NCALD: variants seen among roughly 807,000 people sequenced by gnomAD.
The protein encoded by NCALD is neurocalcin delta.
NCALD carries 10 observed loss-of-function variants against 18.6 expected under a neutral mutation model. That is an observed-to-expected ratio of 0.54 (90% confidence interval 0.33 to 0.91). NCALD has a LOEUF of 0.91. Among genes scored for constraint, NCALD ranks in the 40% least tolerant of loss-of-function variants. The pLI, the probability that NCALD is intolerant of heterozygous loss-of-function variation, is 0.03. For synonymous variants in NCALD, 88 were observed against 87.4 expected (o/e 1.01, Z -0.04); for missense variants, 184 against 247.6 (o/e 0.74, Z 1.72).
At chr8:102,117,509 G>A (rs993233462) in intron 1 of NCALD, among the ~76,000 whole-genome samples, 3 of 151,778 alleles carry the variant, frequency 2.0e-5, no homozygotes, top group East Asian at 1.9e-4. Context: ...CAGAGGGAAC[G>A]ATCCTCTCCC....
intron 1 of NCALD, among the ~76,000 whole-genome samples, chr8:101,764,102 G>A (rs1346576511): frequency 6.6e-6 from 1 of 151,914 alleles, no homozygotes; most frequent in Non-Finnish European, 1.5e-5. Context: ...GTAGTAGGTG[G>A]ACGGATCTGA....
At chr8:101,828,191 G>A (rs924366460) in intron 4 of NCALD, among the ~76,000 whole-genome samples, 3 of 152,120 alleles carry the variant, frequency 2.0e-5, no homozygotes, top group South Asian at 2.1e-4. Flanking sequence ...GAACAACCCT[G>A]TTAAAACATG....
intron 4 of NCALD, among the ~76,000 whole-genome samples, chr8:101,861,001 A>G (rs1407471631): frequency 6.6e-6 from 1 of 152,154 alleles, no homozygotes; most frequent in Non-Finnish European, 1.5e-5. Context: ...ATTATATCTA[A>G]AAGCCAAGGT....
chr8:101,972,051 A>T (rs6982161), intron 2 of NCALD, among the ~76,000 whole-genome samples: 1 of 151,976 alleles, frequency 6.6e-6, no homozygotes, highest in Non-Finnish European at 1.5e-5. Context: ...AAAACCTCTC[A>T]CAGGAATCCA....
At chr8:102,042,715 A>AG (rs113900796) in intron 1 of NCALD, among the ~76,000 whole-genome samples, 46,571 of 151,304 alleles carry the variant, frequency 0.31, 7,879 homozygotes, top group African/African-American at 0.39. Flanking sequence ...ATCAGTGAAG[A>AG]CAGAGGGCAC....
chr8:101,720,969 TAG>T (rs1816326234), intron 1 of NCALD, among the ~76,000 whole-genome samples: 2 of 152,058 alleles, frequency 1.3e-5, no homozygotes, highest in Admixed American at 1.3e-4. Context: ...TGCTACAGAA[TAG>T]AGAGTGGATT....
chr8:101,711,241 C>T (rs1815776838), intron 2 of NCALD, among the ~76,000 whole-genome samples: 1 of 152,010 alleles, frequency 6.6e-6, no homozygotes, highest in Non-Finnish European at 1.5e-5. Context: ...AAAGGACAAC[C>T]ACACAAAAAA....
At chr8:101,823,188 G>C (rs572511445) in intron 4 of NCALD, among the ~76,000 whole-genome samples, 1 of 152,130 alleles carries the variant, frequency 6.6e-6, no homozygotes, top group Non-Finnish European at 1.5e-5. Flanking sequence ...CACAGTTTTA[G>C]GCAATTAAAA....
chr8:101,908,813 T>G (rs1476722419), intron 3 of NCALD, among the ~76,000 whole-genome samples: 1 of 152,154 alleles, frequency 6.6e-6, no homozygotes, highest in Non-Finnish European at 1.5e-5. Context: ...ATAATGTGCA[T>G]GGGTTTATTA....
At chr8:101,853,398 GA>G (rs1372130035) in intron 4 of NCALD, among the ~76,000 whole-genome samples, 1 of 152,086 alleles carries the variant, frequency 6.6e-6, no homozygotes, top group Non-Finnish European at 1.5e-5. Context: ...TAAATGAGAA[GA>G]AGTGAAACAC....
intron 1 of NCALD, among the ~76,000 whole-genome samples, chr8:102,052,071 C>T (rs1452295840): frequency 2.0e-5 from 3 of 152,122 alleles, no homozygotes; most frequent in Non-Finnish European, 4.4e-5. Context: ...TATCAACAGC[C>T]AGGTAAATGG....
intron 2 of NCALD, among the ~76,000 whole-genome samples, chr8:101,935,714 G>C (rs1050892800): frequency 2.0e-5 from 3 of 151,352 alleles, no homozygotes; most frequent in Non-Finnish European, 1.5e-5. Context: ...GATATGATGA[G>C]TCTGGACAAC....
Position 101,823,104 on chromosome 8 carries a change from A to G in NCALD, c.-20+64037T>C, listed in dbSNP as rs1345642136. On this transcript the variant is annotated intron_variant, in intron 4 of 6. Transcript: ENST00000311028. The stretch of plus-strand genomic sequence containing the variant: ...AAATATCCTCTAATACTTTGCATTT[A>G]TGTAGAGTTCAAAAGTTTTCTGATG... Among the ~76,000 whole-genome samples, 4 of 152,208 alleles carry G rather than the reference A, an allele frequency of 2.6e-5. 1 individual carries two copies.
At chr8:101,763,966 C>CCCTCTCTCCACACACA (rs1554624883) in intron 1 of NCALD, among the ~76,000 whole-genome samples, 62 of 85,294 alleles carry the variant, frequency 7.3e-4, no homozygotes, top group African/African-American at 2.4e-3. Context: ...CTCTCTCTCT[C>CCCTCTCTCCACACACA]CACACACACA....
intron 2 of NCALD, among the ~76,000 whole-genome samples, chr8:101,977,988 T>G (rs1394824887): frequency 6.6e-6 from 1 of 151,990 alleles, no homozygotes; most frequent in Non-Finnish European, 1.5e-5. Context: ...CTCCTCTTCC[T>G]TCTCTCCGCC....
intron 2 of NCALD, among the ~76,000 whole-genome samples, chr8:102,001,644 C>G (rs889316344): frequency 6.6e-6 from 1 of 152,180 alleles, no homozygotes; most frequent in Non-Finnish European, 1.5e-5. Context: ...GGGTTACCCA[C>G]AAAGGGAAGC....
At chr8:101,891,968 G>C (rs1490091262) in intron 3 of NCALD, among the ~76,000 whole-genome samples, 1 of 152,216 alleles carries the variant, frequency 6.6e-6, no homozygotes, top group African/African-American at 2.4e-5. Flanking sequence ...GCTTGCTTAA[G>C]TAAACAAAGC....
intron 1 of NCALD, among the ~76,000 whole-genome samples, chr8:102,064,485 T>C (rs1179239133): frequency 1.3e-5 from 2 of 152,210 alleles, no homozygotes; most frequent in African/African-American, 2.4e-5. Context: ...GTACACCAAA[T>C]ACAAATAAAA....
intron 2 of NCALD, among the ~76,000 whole-genome samples, chr8:102,005,162 A>T (rs1265099996): frequency 6.6e-6 from 1 of 152,236 alleles, no homozygotes; most frequent in Non-Finnish European, 1.5e-5. Flanking sequence ...AGAATCTACA[A>T]TGAACTCAAA....
Sources: gnomAD v4.1 joint callset for allele counts (sites outside exome capture counted in the v4.1 genomes callset) on GRCh38, gnomAD v4.1.1 for gene constraint, MANE v1.5 for transcripts, NCBI Gene and HGNC (gene_info 2026-07-23, HGNC 2026-07-21) for gene names.